The following NT5DC3 variants were observed in gnomAD, a reference collection of about 807,000 sequenced individuals.
NT5DC3 encodes the protein 5'-nucleotidase domain-containing protein 3.
NT5DC3 carries 42 observed loss-of-function variants against 67.8 expected under a neutral mutation model. The observed-to-expected ratio is 0.62, with a 90% CI of 0.48 to 0.80. The LOEUF (loss-of-function observed/expected upper bound fraction) is 0.80, where lower values mean the gene tolerates loss of function less well. Among genes scored for constraint, NT5DC3 ranks in the 30% least tolerant of loss-of-function variants. The pLI is 0.00. For missense variants in NT5DC3, 570 were observed against 696.4 expected (o/e 0.82, Z 2.04); for synonymous variants, 237 against 255.6 (o/e 0.93, Z 0.69).
intron 2 of NT5DC3, among the ~76,000 whole-genome samples, chr12:103,812,703 C>G (rs190402678): frequency 9.2e-5 from 14 of 152,160 alleles, no homozygotes; most frequent in Admixed American, 7.2e-4. Context: ...GAGTTCAAAT[C>G]CTGGTTCTGT....
At position 103,777,600 on chromosome 12, in the gene NT5DC3, GT is replaced by G; in HGVS notation, c.*228del. 1.8e-6 allele frequency: 1 copy of G among 552,750 alleles called. No individual in the cohort carries two copies. The allele number at this position is 552,750 out of a possible 1,614,324, so 34.2% of individuals were successfully genotyped here. On this transcript the variant is annotated 3_prime_UTR_variant, in exon 14 of 14. Transcript: ENST00000392876. Reference sequence around the variant, plus strand: ...CAGTAAACAAAAAGGCAAAATCAGAGTTCCAATGTGAAGCTTGCCTTTCAGC... The same window carrying G: ...CAGTAAACAAAAAGGCAAAATCAGAGTCCAATGTGAAGCTTGCCTTTCAGC...
At chr12:103,749,725 A>G in the NT5DC3 span, among the ~76,000 whole-genome samples, 2 of 151,236 alleles carry the variant, frequency 1.3e-5, no homozygotes, top group African/African-American at 4.9e-5. Context: ...CTGTAGTCCC[A>G]GCTACTCGGG....
the NT5DC3 span, chr12:103,758,366 C>G: frequency 6.3e-7 from 1 of 1,589,920 alleles, no homozygotes; most frequent in Non-Finnish European, 8.5e-7. Flanking sequence ...TCACAAATTA[C>G]CTGAAAACTC....
At chr12:103,814,209 A>G (rs533103025) in intron 2 of NT5DC3, among the ~76,000 whole-genome samples, 5 of 152,324 alleles carry the variant, frequency 3.3e-5, no homozygotes, top group African/African-American at 1.2e-4. Flanking sequence ...GAAACATGTG[A>G]AGCAATAAAT....
chr12:103,746,839 C>T, the NT5DC3 span: 1 of 783,366 alleles, frequency 1.3e-6, no homozygotes, highest in South Asian at 1.6e-5. Flanking sequence ...CTCTCTATGA[C>T]TCAGTTTCTT....
the NT5DC3 span, among the ~76,000 whole-genome samples, chr12:103,747,218 A>G: frequency 1.3e-5 from 2 of 151,978 alleles, no homozygotes; most frequent in African/African-American, 4.8e-5. Context: ...ACCTAAACAT[A>G]CTCTCACCAC....
At chr12:103,825,357 T>C (rs1271630469) in intron 1 of NT5DC3, among the ~76,000 whole-genome samples, 2 of 152,158 alleles carry the variant, frequency 1.3e-5, no homozygotes, top group Non-Finnish European at 2.9e-5. Context: ...AAAATAAAAC[T>C]ACATACAACT....
At chr12:103,821,737 T>A (rs1887499327) in intron 1 of NT5DC3, 1 of 152,222 alleles carries the variant, frequency 6.6e-6, no homozygotes, top group African/African-American at 2.4e-5. Flanking sequence ...TTAAGAAAAT[T>A]CAGCCACTCA....
chr12:103,781,441 C>T (rs1228664674), intron 12 of NT5DC3, among the ~76,000 whole-genome samples: 1 of 152,244 alleles, frequency 6.6e-6, no homozygotes, highest in Non-Finnish European at 1.5e-5. Flanking sequence ...CGCCTTCACT[C>T]GGCCACCCTT....
downstream of NT5DC3, among the ~76,000 whole-genome samples, chr12:103,771,951 T>C (rs1399981277): frequency 6.6e-6 from 1 of 151,736 alleles, no homozygotes; most frequent in Non-Finnish European, 1.5e-5. Flanking sequence ...ACACCCACCA[T>C]CACAGGTACA....
At chr12:103,822,549 TG>T (rs1355867071) in intron 1 of NT5DC3, among the ~76,000 whole-genome samples, 1 of 152,238 alleles carries the variant, frequency 6.6e-6, no homozygotes, top group Admixed American at 6.5e-5. Context: ...ATGTGTTATT[TG>T]GCTAAGAAAT....
intron 1 of NT5DC3, among the ~76,000 whole-genome samples, chr12:103,828,361 CAG>C (rs891088925): frequency 5.5e-4 from 83 of 152,200 alleles, no homozygotes; most frequent in African/African-American, 2.0e-3. Flanking sequence ...CTCCACTGGC[CAG>C]AGTCTTAGGT....
At chr12:103,801,928 G>A (rs1315443354) in intron 4 of NT5DC3, among the ~76,000 whole-genome samples, 2 of 152,150 alleles carry the variant, frequency 1.3e-5, no homozygotes, top group African/African-American at 4.8e-5. Flanking sequence ...GGCAGGCACT[G>A]GAATCATGCC....
In NT5DC3 at chr12:103,777,717, T is replaced by A. The variant is rs1373227928; in HGVS notation, c.*112A>T. On this transcript the variant is annotated 3_prime_UTR_variant, in exon 14 of 14. Transcript: ENST00000392876. The stretch of plus-strand genomic sequence containing the variant: ...TTCTCCGTAAGGTACAAAATAAATA[T>A]CAAAAGGCTTATCTGTATCTTTTCC... 19 of 1,227,630 alleles carry A rather than the reference T, an allele frequency of 1.5e-5. No individual in the cohort carries two copies. Among genetic ancestry groups the A allele is most frequent in the Non-Finnish European group, 2.1e-5 (18 of 875,554 alleles). 76.0% of individuals were successfully genotyped at this position (1,227,630 alleles called of 1,614,324 possible). A position where few individuals can be genotyped will look rare whatever the true frequency, so the allele number is the denominator to read the frequency against.
chr12:103,749,237 G>C, the NT5DC3 span: 1 of 1,408,904 alleles, frequency 7.1e-7, no homozygotes, highest in Non-Finnish European at 9.5e-7. Flanking sequence ...CCCATACTCT[G>C]CTTATCTCCT....
intron 9 of NT5DC3, among the ~76,000 whole-genome samples, chr12:103,792,817 T>C (rs565356732): frequency 1.3e-5 from 2 of 152,332 alleles, no homozygotes; most frequent in South Asian, 4.1e-4. Flanking sequence ...GGCAGTTTTG[T>C]TGCTGCTGTT....
intron 1 of NT5DC3, among the ~76,000 whole-genome samples, chr12:103,836,447 T>C (rs572655390): frequency 6.6e-6 from 1 of 152,144 alleles, no homozygotes; most frequent in Non-Finnish European, 1.5e-5. Flanking sequence ...ACAGGCCCCA[T>C]GCATGTCCAA....
intron 12 of NT5DC3, among the ~76,000 whole-genome samples, chr12:103,783,997 G>A (rs549152706): frequency 3.3e-5 from 5 of 152,204 alleles, no homozygotes; most frequent in Non-Finnish European, 7.4e-5. Context: ...TTCAAGCCCT[G>A]CCCTGCCATT....
intron 1 of NT5DC3, among the ~76,000 whole-genome samples, chr12:103,836,923 G>A (rs10861121): frequency 0.055 from 8,423 of 152,154 alleles, 632 homozygotes; most frequent in East Asian, 0.29. Flanking sequence ...CCCTCTTCTC[G>A]CAGCTCCACT....
Sources: allele counts gnomAD v4.1 joint callset (sites outside exome capture counted in the v4.1 genomes callset), GRCh38; gene constraint gnomAD v4.1.1; transcripts MANE v1.5; gene names NCBI Gene and HGNC (gene_info 2026-07-23, HGNC 2026-07-21).